Variants in CRY1 observed in about 807,000 individuals in gnomAD.
CRY1 encodes the protein cryptochrome circadian regulator 1, also known as cryptochrome-1.
In CRY1, 45 loss-of-function variants were observed where a neutral mutation model predicts 76.0. The observed-to-expected ratio is 0.59, with a 90% CI of 0.47 to 0.76. CRY1 has a LOEUF of 0.76. Among genes scored for constraint, CRY1 ranks in the 30% least tolerant of loss-of-function variants. The probability of loss-of-function intolerance (pLI) is 0.00; values close to 1 mark genes in which losing one functional copy is unlikely to be tolerated. For missense variants in CRY1, 587 were observed against 716.4 expected (o/e 0.82, Z 2.06); for synonymous variants, 248 against 244.0 (o/e 1.02, Z -0.15).
chr12:107,061,630 C>G (rs1953048664), intron 1 of CRY1, among the ~76,000 whole-genome samples: 1 of 152,126 alleles, frequency 6.6e-6, no homozygotes, highest in African/African-American at 2.4e-5. Flanking sequence ...GATCCATCCA[C>G]CTCAGCCTCC....
chr12:107,038,917 A>T (rs933390353), intron 1 of CRY1, among the ~76,000 whole-genome samples: 9 of 152,144 alleles, frequency 5.9e-5, no homozygotes, highest in African/African-American at 2.2e-4. Context: ...GATACATCCA[A>T]TGTTCCATCC....
chr12:107,070,464 G>C (rs1953174978), intron 1 of CRY1, among the ~76,000 whole-genome samples: 1 of 151,902 alleles, frequency 6.6e-6, no homozygotes, highest in African/African-American at 2.4e-5. Context: ...AAATATATTA[G>C]AATATAACCA....
At position 107,092,788 on chromosome 12, in the gene CRY1, C is replaced by T. The variant is rs1953487534; in HGVS notation, c.158+16G>A. 1 of 1,610,962 alleles carries T rather than the reference C, an allele frequency of 6.2e-7. No homozygotes were observed. Among genetic ancestry groups the T allele is most frequent in the African/African-American group, 1.3e-5 (1 of 74,958 alleles). ...ATTAAACACCCAAATCCATTTCCCA[C>T]GGGCTTGTGACTCACCGCCACCTGT... On this transcript the variant is annotated intron_variant, in intron 1 of 12. Coordinates refer to ENST00000008527, the MANE Select transcript of CRY1 (RefSeq NM_004075.5).
intron 1 of CRY1, among the ~76,000 whole-genome samples, chr12:107,088,144 T>A (rs1026333354): frequency 3.3e-5 from 5 of 152,236 alleles, no homozygotes; most frequent in Admixed American, 1.3e-4. Flanking sequence ...CATGTTAAAA[T>A]GTTATCCCCA....
At chr12:107,002,877 T>C (rs2136824653) in intron 3 of CRY1, among the ~76,000 whole-genome samples, 1 of 152,316 alleles carries the variant, frequency 6.6e-6, no homozygotes, top group African/African-American at 2.4e-5. Flanking sequence ...CCTCCTTGCC[T>C]GCTGTCATCC....
At chr12:107,001,450 T>C (rs1952310199) in intron 4 of CRY1, 82 bp from the exon 5 acceptor site, 3 of 1,220,784 alleles carry the variant, frequency 2.5e-6, no homozygotes, top group African/African-American at 1.5e-5. Flanking sequence ...ACAAATTACT[T>C]TGCAGAAAAA....
At chr12:107,088,568 T>C (rs1203926685) in intron 1 of CRY1, among the ~76,000 whole-genome samples, 1 of 152,210 alleles carries the variant, frequency 6.6e-6, no homozygotes, top group Non-Finnish European at 1.5e-5. Context: ...GCATCGTCTA[T>C]TCAGCAGAGA....
intron 1 of CRY1, among the ~76,000 whole-genome samples, chr12:107,035,384 A>C (rs944115457): frequency 2.6e-5 from 4 of 152,198 alleles, no homozygotes; most frequent in Admixed American, 6.5e-5. Context: ...CCTGGTAATA[A>C]AGCAGAGAAC....
At chr12:107,092,110 C>A (rs2136906435) in intron 1 of CRY1, among the ~76,000 whole-genome samples, 1 of 152,318 alleles carries the variant, frequency 6.6e-6, no homozygotes, top group Non-Finnish European at 1.5e-5. Context: ...ATCTGTTGAG[C>A]TATGCTTTTA....
intron 1 of CRY1, among the ~76,000 whole-genome samples, chr12:107,036,045 G>A (rs921333565): frequency 6.6e-5 from 10 of 152,142 alleles, no homozygotes; most frequent in Non-Finnish European, 1.5e-4. Flanking sequence ...TGACTTTACC[G>A]TCCCAGCTAT....
Position 107,050,932 on chromosome 12 carries a change from T to A in CRY1, c.159-28740A>T, listed in dbSNP as rs542711582. 4.7e-4 allele frequency among the ~76,000 whole-genome samples: 72 copies of A among 152,166 alleles called. No homozygotes were observed. In the South Asian group the frequency reaches 7.3e-3, roughly 15 times the overall value. On this transcript the variant is annotated intron_variant, in intron 1 of 12. Coordinates refer to ENST00000008527, the MANE Select transcript of CRY1 (RefSeq NM_004075.5). ...GAGCAGGACAGAAAGATTCAGACACTTTGATAAGGAGACTTAACAGGAAGT... is the reference window on the plus strand; with the variant it reads ...GAGCAGGACAGAAAGATTCAGACACATTGATAAGGAGACTTAACAGGAAGT...
intron 1 of CRY1, among the ~76,000 whole-genome samples, chr12:107,076,085 T>C (rs548778906): frequency 1.3e-5 from 2 of 151,700 alleles, no homozygotes; most frequent in Non-Finnish European, 2.9e-5. Flanking sequence ...TAGAGGCCAG[T>C]GCAGGTAATA....
chr12:107,018,033 A>G (rs1952515539), intron 2 of CRY1, among the ~76,000 whole-genome samples: 1 of 152,188 alleles, frequency 6.6e-6, no homozygotes, highest in African/African-American at 2.4e-5. Context: ...TTGTTTCACT[A>G]CTGTATCTCC....
At chr12:107,047,981 A>C (rs1279289187) in intron 1 of CRY1, among the ~76,000 whole-genome samples, 3 of 152,234 alleles carry the variant, frequency 2.0e-5, no homozygotes, top group Non-Finnish European at 4.4e-5. Flanking sequence ...ATTTTTAAAG[A>C]CAAAATTGAC....
chr12:107,069,698 T>A (rs1030447303), intron 1 of CRY1, among the ~76,000 whole-genome samples: 1 of 144,096 alleles, frequency 6.9e-6, no homozygotes, highest in Admixed American at 7.1e-5. Flanking sequence ...ATATAAAGTG[T>A]ATATATAGTG....
In CRY1 at chr12:107,079,276, G is replaced by A. The variant is rs76571373; in HGVS notation, c.158+13528C>T. Reference sequence around the variant, plus strand: ...GCCAATGAAGTGCCATAAGACTTTTGCTGAGACTTCTGGGCCAAAGGTGTA... The same window carrying A: ...GCCAATGAAGTGCCATAAGACTTTTACTGAGACTTCTGGGCCAAAGGTGTA... On this transcript the variant is annotated intron_variant, in intron 1 of 12. Coordinates refer to ENST00000008527, the MANE Select transcript of CRY1 (RefSeq NM_004075.5). Among the ~76,000 whole-genome samples the A allele has an allele frequency of 4.6e-3, 705 of 152,244 alleles. 6 individuals carry two copies. Among genetic ancestry groups the A allele is most frequent in the African/African-American group, 0.016 (665 of 41,564 alleles).
chr12:107,059,727 A>G (rs1039228905), intron 1 of CRY1, among the ~76,000 whole-genome samples: 6 of 152,224 alleles, frequency 3.9e-5, no homozygotes, highest in African/African-American at 1.4e-4. Flanking sequence ...ACAGTGACAG[A>G]ACTCAGAATT....
At chr12:107,050,435 A>C (rs1952905270) in intron 1 of CRY1, 1 of 152,158 alleles carries the variant, frequency 6.6e-6, no homozygotes, top group South Asian at 2.1e-4. Flanking sequence ...TATCGTCATG[A>C]TGCGTGAGTT....
At chr12:107,091,701 G>A (rs1953473924) in intron 1 of CRY1, among the ~76,000 whole-genome samples, 1 of 152,092 alleles carries the variant, frequency 6.6e-6, no homozygotes, top group African/African-American at 2.4e-5. Context: ...TGACCTCATC[G>A]TCTACTATTT....
Sources: gnomAD v4.1 joint callset for allele counts (sites outside exome capture counted in the v4.1 genomes callset) on GRCh38, gnomAD v4.1.1 for gene constraint, MANE v1.5 for transcripts, NCBI Gene and HGNC (gene_info 2026-07-23, HGNC 2026-07-21) for gene names.